The following VPS8 variants were observed in gnomAD, a reference collection of about 807,000 sequenced individuals.
VPS8 encodes VPS8 subunit of CORVET complex.
VPS8 carries 129 observed loss-of-function variants against 216.4 expected under a neutral mutation model. The observed-to-expected ratio is 0.60, with a 90% CI of 0.52 to 0.69. VPS8 has a LOEUF of 0.69. Ranked by LOEUF, VPS8 falls within the 30% of genes least tolerant of loss-of-function variation. The pLI, the probability that VPS8 is intolerant of heterozygous loss-of-function variation, is 0.00. For missense variants in VPS8, 1,531 were observed against 1,683.5 expected (o/e 0.91, Z 1.59); for synonymous variants, 571 against 565.4 (o/e 1.01, Z -0.14).
intron 36 of VPS8, among the ~76,000 whole-genome samples, chr3:184,957,073 G>T (rs1270176804): frequency 4.6e-5 from 7 of 152,274 alleles, no homozygotes; most frequent in African/African-American, 1.7e-4. Flanking sequence ...AAATTGGGTG[G>T]CTCTTGTTTC....
chr3:185,024,302 A>T lies in VPS8; in HGVS notation c.4003-34A>T, dbSNP rs540214976. ...GTCAGACAAAACTAGACTATAACTG[A>T]AAGGGTATTAAAATGTTTGCCTTTT... On this transcript the variant is annotated intron_variant, in intron 45 of 47. Coordinates refer to ENST00000625842, the MANE Select transcript of VPS8 (RefSeq NM_001009921.3). 25 of 1,555,808 alleles carry T rather than the reference A, an allele frequency of 1.6e-5. 1 individual carries two copies. The South Asian group carries it at 2.6e-4, about 16-fold the overall frequency.
intron 14 of VPS8, among the ~76,000 whole-genome samples, chr3:184,857,985 C>T (rs1725585317): frequency 6.6e-6 from 1 of 152,130 alleles, no homozygotes; most frequent in South Asian, 2.1e-4. Context: ...TAAGTGGTTT[C>T]AGATTTTTGT....
chr3:184,928,367 A>G, intron 31 of VPS8, 84 bp from the exon 32 acceptor site: 1 of 1,257,656 alleles, frequency 8.0e-7, no homozygotes. Context: ...AAAAAATTAA[A>G]TGTTATAGTC....
At chr3:184,962,720 C>T (rs1425257664) in intron 37 of VPS8, among the ~76,000 whole-genome samples, 1 of 96,802 alleles carries the variant, frequency 1.0e-5, no homozygotes, top group Non-Finnish European at 2.0e-5. Context: ...TTCTTTAAGG[C>T]TTAAGTGTGT....
At chr3:184,973,208 T>C (rs1312662167) in intron 40 of VPS8, among the ~76,000 whole-genome samples, 2 of 152,212 alleles carry the variant, frequency 1.3e-5, no homozygotes, top group Non-Finnish European at 2.9e-5. Flanking sequence ...AATGGGTTTT[T>C]TTAAATTAAA....
intron 3 of VPS8, among the ~76,000 whole-genome samples, chr3:184,829,307 G>A (rs1719487089): frequency 6.6e-6 from 1 of 152,120 alleles, no homozygotes. Flanking sequence ...TCCTCCTCCT[G>A]GGTTCAAGTG....
At chr3:184,901,095 C>A in intron 25 of VPS8, 123 bp downstream of exon 25, 1 of 827,572 alleles carries the variant, frequency 1.2e-6, no homozygotes, top group South Asian at 1.6e-5. Flanking sequence ...AGTCATGTAA[C>A]ACCACCATAA....
chr3:184,987,518 G>A (rs1444204892), intron 42 of VPS8, among the ~76,000 whole-genome samples: 1 of 151,924 alleles, frequency 6.6e-6, no homozygotes, highest in Non-Finnish European at 1.5e-5. Flanking sequence ...TTTTCACTTA[G>A]CAATATGCAC....
intron 3 of VPS8, among the ~76,000 whole-genome samples, 154 bp downstream of exon 3, chr3:184,826,385 A>G (rs1320716714): frequency 6.6e-6 from 1 of 152,228 alleles, no homozygotes; most frequent in Non-Finnish European, 1.5e-5. Context: ...AATTATAATC[A>G]AATAAAAATT....
chr3:184,824,523 GT>G (rs796547667), intron 1 of VPS8, 21 bp from the exon 2 acceptor site: 5 of 1,213,306 alleles, frequency 4.1e-6, no homozygotes, highest in Non-Finnish European at 5.7e-6. Context: ...TTTTGTTTTT[GT>G]TTTTTTCTTT....
chr3:184,932,886 T>C (rs1024319739), intron 34 of VPS8, among the ~76,000 whole-genome samples: 3 of 152,218 alleles, frequency 2.0e-5, no homozygotes, highest in Non-Finnish European at 1.5e-5. Flanking sequence ...TGTTTCTAGT[T>C]TTAACTATTA....
intron 21 of VPS8, among the ~76,000 whole-genome samples, chr3:184,872,415 G>C (rs1339830901): frequency 1.3e-5 from 2 of 152,118 alleles, no homozygotes; most frequent in Non-Finnish European, 2.9e-5. Flanking sequence ...TACGGGAACT[G>C]TAGATGGTGG....
Position 184,854,122 on chromosome 3 carries a change from C to T in VPS8, c.984C>T (p.Val328=). 1 of 1,613,748 alleles carries T rather than the reference C, an allele frequency of 6.2e-7. No homozygotes were observed. Among genetic ancestry groups the T allele is most frequent in the Admixed American group, 1.7e-5 (1 of 59,964 alleles). ...ATATTTTTCTCTTACAGATACTGGT[C>T]ATTGGATTGAAACCATCCTTGAAAG... ...LAMASLTKIL[V]IGLKPSLKVW... is the part of the protein sequence containing the mutation. The change falls in exon 13 of 48, where the codon GTC becomes GTT. Residue 328 remains valine (V), a synonymous_variant. Coordinates refer to ENST00000625842, the MANE Select transcript of VPS8 (RefSeq NM_001009921.3).
At chr3:184,998,303 C>T (rs992916522) in intron 44 of VPS8, among the ~76,000 whole-genome samples, 6 of 152,064 alleles carry the variant, frequency 3.9e-5, no homozygotes, top group African/African-American at 1.4e-4. Flanking sequence ...GCAGATGGAC[C>T]ACTTAGGCTG....
chr3:184,945,870 A>C (rs9870352), intron 36 of VPS8, among the ~76,000 whole-genome samples: 80,817 of 152,036 alleles, frequency 0.53, 22,750 homozygotes, highest in Middle Eastern at 0.69. Flanking sequence ...GCAAGGAGCT[A>C]GGGAATGGGC....
intron 42 of VPS8, among the ~76,000 whole-genome samples, chr3:184,986,360 C>G (rs1007388484): frequency 6.6e-6 from 1 of 152,104 alleles, no homozygotes; most frequent in Non-Finnish European, 1.5e-5. Context: ...TAGGCAGGGA[C>G]TGTGTCTTTA....
intron 46 of VPS8, among the ~76,000 whole-genome samples, chr3:185,028,273 C>T (rs1757663653): frequency 6.6e-6 from 1 of 152,098 alleles, no homozygotes; most frequent in Non-Finnish European, 1.5e-5. Flanking sequence ...GGTCAGTGGG[C>T]GGCCATCCCA....
intron 40 of VPS8, among the ~76,000 whole-genome samples, chr3:184,980,252 G>T (rs1749978691): frequency 6.6e-6 from 1 of 151,398 alleles, no homozygotes; most frequent in Non-Finnish European, 1.5e-5. Context: ...TTGGAGATCT[G>T]ATGACCATGT....
chr3:184,949,712 A>T (rs1410001069), intron 36 of VPS8, among the ~76,000 whole-genome samples: 1 of 152,130 alleles, frequency 6.6e-6, no homozygotes, highest in African/African-American at 2.4e-5. Flanking sequence ...TAATAATCAC[A>T]TTTAATGTAT....
Sources: allele counts gnomAD v4.1 joint callset (sites outside exome capture counted in the v4.1 genomes callset), GRCh38; gene constraint gnomAD v4.1.1; transcripts MANE v1.5; gene names NCBI Gene and HGNC (gene_info 2026-07-23, HGNC 2026-07-21).